Variants in TNR observed in about 807,000 individuals in gnomAD.
The protein encoded by TNR is tenascin-R.
In TNR, 45 loss-of-function variants were observed where a neutral mutation model predicts 150.4. The ratio of observed to expected loss-of-function variants is 0.30; its 90% CI spans 0.24 to 0.38. TNR has a LOEUF of 0.38. Ranked by LOEUF, TNR falls within the 10% of genes least tolerant of loss-of-function variation. TNR has a pLI of 1.00. For missense variants in TNR, 1,544 were observed against 1,759.1 expected (o/e 0.88, Z 2.19); for synonymous variants, 687 against 678.4 (o/e 1.01, Z -0.20).
chr1:175,456,246 A>G (rs1158486141), intron 2 of TNR, among the ~76,000 whole-genome samples: 1 of 152,100 alleles, frequency 6.6e-6, no homozygotes, highest in Non-Finnish European at 1.5e-5. Flanking sequence ...CACTTCCCTC[A>G]AGTCTTCACT....
chr1:175,503,989 A>G (rs1658847416), intron 2 of TNR, among the ~76,000 whole-genome samples: 1 of 152,170 alleles, frequency 6.6e-6, no homozygotes, highest in African/African-American at 2.4e-5. Flanking sequence ...AGCCTTCTCC[A>G]AGTGCAGCCT....
intron 1 of TNR, among the ~76,000 whole-genome samples, chr1:175,537,877 G>A (rs1660356173): frequency 6.6e-6 from 1 of 152,224 alleles, no homozygotes; most frequent in African/African-American, 2.4e-5. Context: ...TAATGGTGCA[G>A]AACTGGTGGT....
intron 9 of TNR, 97 bp from the exon 10 acceptor site, chr1:175,367,394 T>A (rs6697701): frequency 2.1e-6 from 2 of 944,988 alleles, no homozygotes; most frequent in South Asian, 2.8e-5. Context: ...CCTATTCATA[T>A]CTTGTGTTTA....
rs1267807729 is a variant in TNR, at chr1:175,423,554, C to G, written c.-63-16777G>C. 2.0e-5 allele frequency among the ~76,000 whole-genome samples: 3 copies of G among 152,266 alleles called. No individual in the cohort carries two copies. The East Asian group carries it at 5.8e-4, about 29-fold the overall frequency. ...CTAGGATGTGAATCGAGATCTCAATCCCCTAGGATCCATGAGGATTCCTAA... is the reference window on the plus strand; with the variant it reads ...CTAGGATGTGAATCGAGATCTCAATGCCCTAGGATCCATGAGGATTCCTAA... On this transcript the variant is annotated intron_variant, in intron 2 of 22. Coordinates refer to ENST00000367674, the MANE Select transcript of TNR (RefSeq NM_003285.3).
At chr1:175,507,634 A>G (rs1222044358) in intron 2 of TNR, among the ~76,000 whole-genome samples, 1 of 151,890 alleles carries the variant, frequency 6.6e-6, no homozygotes, top group Non-Finnish European at 1.5e-5. Flanking sequence ...CTGTTTCTAT[A>G]ACAGTCCTCA....
intron 1 of TNR, among the ~76,000 whole-genome samples, chr1:175,674,815 C>A (rs1665812311): frequency 6.6e-6 from 1 of 152,204 alleles, no homozygotes; most frequent in Admixed American, 6.5e-5. Flanking sequence ...CCAGGCCCCC[C>A]AGCATCAATC....
At chr1:175,512,146 C>T (rs1238190350) in intron 2 of TNR, among the ~76,000 whole-genome samples, 2 of 152,124 alleles carry the variant, frequency 1.3e-5, no homozygotes, top group African/African-American at 4.8e-5. Flanking sequence ...ACTCTCTTCA[C>T]CCTAGAAAGA....
chr1:175,381,967 T>C (rs1442111717), intron 8 of TNR, among the ~76,000 whole-genome samples: 1 of 152,254 alleles, frequency 6.6e-6, no homozygotes, highest in Non-Finnish European at 1.5e-5. Flanking sequence ...TGCACTGGCT[T>C]CTGCCTTTGC....
intron 2 of TNR, among the ~76,000 whole-genome samples, chr1:175,481,244 AAATG>A (rs1051810440): frequency 6.6e-6 from 1 of 152,246 alleles, no homozygotes; most frequent in African/African-American, 2.4e-5. Context: ...ATGAGTGAAC[AAATG>A]AATGAATGAA....
chr1:175,481,713 G>T (rs1417753193), intron 2 of TNR, among the ~76,000 whole-genome samples: 1 of 152,082 alleles, frequency 6.6e-6, no homozygotes, highest in East Asian at 1.9e-4. Context: ...GCTTTTTTGT[G>T]TGCCTTTCTG....
At chr1:175,548,593 CT>C (rs1389290617) in intron 1 of TNR, among the ~76,000 whole-genome samples, 5 of 151,856 alleles carry the variant, frequency 3.3e-5, no homozygotes, top group African/African-American at 1.2e-4. Flanking sequence ...TGACCTTTCT[CT>C]CCCCTCAGGG....
chr1:175,736,674 A>C (rs1468554256), intron 1 of TNR, among the ~76,000 whole-genome samples: 1 of 152,040 alleles, frequency 6.6e-6, no homozygotes. Flanking sequence ...TTCTGTGTAC[A>C]TGTGGCCCAG....
chr1:175,507,867 A>T (rs1312942653), intron 2 of TNR, among the ~76,000 whole-genome samples: 2 of 152,248 alleles, frequency 1.3e-5, no homozygotes, highest in African/African-American at 4.8e-5. Flanking sequence ...CACATCAGTG[A>T]TGCAAAGTAG....
chr1:175,483,499 A>G (rs1449562643), intron 2 of TNR, among the ~76,000 whole-genome samples: 1 of 152,298 alleles, frequency 6.6e-6, no homozygotes, highest in Non-Finnish European at 1.5e-5. Flanking sequence ...GTATGGCTGG[A>G]ACATGATGGA....
intron 1 of TNR, among the ~76,000 whole-genome samples, chr1:175,597,938 C>A (rs544955395): frequency 2.0e-5 from 3 of 152,074 alleles, no homozygotes; most frequent in African/African-American, 7.2e-5. Flanking sequence ...TTGAACAGAC[C>A]TCTGCACCAG....
chr1:175,693,822 A>T (rs574192893), intron 1 of TNR, among the ~76,000 whole-genome samples: 18 of 152,262 alleles, frequency 1.2e-4, no homozygotes, highest in Non-Finnish European at 2.4e-4. Context: ...AGCACGAGGG[A>T]TGATGAGCAA....
At chr1:175,329,972 C>T in intron 21 of TNR, 102 bp downstream of exon 21, 1 of 1,268,948 alleles carries the variant, frequency 7.9e-7, no homozygotes, top group Non-Finnish European at 1.1e-6. Context: ...AATGCTGGAA[C>T]TCTGTGGGTG....
Position 175,407,107 on chromosome 1 carries a change from T to C in TNR, c.-63-330A>G, listed in dbSNP as rs559140559. Among the ~76,000 whole-genome samples the C allele has an allele frequency of 2.0e-5, 3 of 152,360 alleles. No individual in the cohort carries two copies. In the South Asian group the frequency reaches 6.2e-4, roughly 32 times the overall value. ...GGGCCCTGTGGATGGGCTGTTCCTC[T>C]GAGGAGAACTCAGAGTTTCTTTTCA... is the stretch of plus-strand genomic sequence containing the variant. On this transcript the variant is annotated intron_variant, in intron 2 of 22. Transcript: ENST00000367674.
intron 2 of TNR, among the ~76,000 whole-genome samples, chr1:175,515,114 G>A (rs763378624): frequency 2.0e-5 from 3 of 152,234 alleles, no homozygotes; most frequent in Non-Finnish European, 4.4e-5. Context: ...GAGAATGGAA[G>A]TGTGGCTGCT....
Sources: gnomAD v4.1 joint callset for allele counts (sites outside exome capture counted in the v4.1 genomes callset) on GRCh38, gnomAD v4.1.1 for gene constraint, MANE v1.5 for transcripts, NCBI Gene and HGNC (gene_info 2026-07-23, HGNC 2026-07-21) for gene names.